The following FAM76A variants were observed in gnomAD, a reference collection of about 807,000 sequenced individuals.
FAM76A encodes protein FAM76A.
FAM76A carries 32 observed loss-of-function variants against 46.2 expected under a neutral mutation model. That is an observed-to-expected ratio of 0.69 (90% CI 0.52 to 0.93). FAM76A has a LOEUF of 0.93. Ranked by LOEUF, FAM76A falls within the 40% of genes least tolerant of loss-of-function variation. The pLI is 0.00. For missense variants in FAM76A, 274 were observed against 361.5 expected, an observed-to-expected ratio of 0.76 and a Z score of 1.96; for synonymous variants, 137 against 127.0, an observed-to-expected ratio of 1.08 and a Z score of -0.53.
chr1:27,746,954 G>A (rs1225438151), intron 5 of FAM76A, among the ~76,000 whole-genome samples: 1 of 152,114 alleles, frequency 6.6e-6, no homozygotes, highest in Non-Finnish European at 1.5e-5. Flanking sequence ...CACACCTGTA[G>A]TCCCAGCTAC....
chr1:27,726,139 C>T lies in FAM76A; in HGVS notation c.59C>T (p.Ser20Phe), dbSNP rs2087853829. The T allele has an allele frequency of 7.6e-7, 1 of 1,310,964 alleles. No homozygotes were observed. The highest frequency in any genetic ancestry group is 1.5e-5 in the African/African-American group (1 of 66,190). 81.2% of individuals were successfully genotyped at this position (1,310,964 alleles called of 1,614,324 possible). ...CHQRFPFEAL[S>F]QGQQLCKECR... ...CAGCGCTTCCCCTTCGAGGCGCTGT[C>T]TCAGGGGCAGCAGCTGTGCAAGGTG... Residue 20 changes from serine to phenylalanine, a missense_variant, in exon 1 of 9, where the codon TCT (serine) becomes TTT (phenylalanine). By Grantham distance (155) the Ser-to-Phe change is radical (BLOSUM62 -2). Transcript: ENST00000373954.
intron 7 of FAM76A, among the ~76,000 whole-genome samples, chr1:27,757,578 G>A (rs868438011): frequency 1.4e-4 from 21 of 152,186 alleles, no homozygotes; most frequent in South Asian, 2.1e-4. Context: ...CATGTTGGCC[G>A]GGCTGGTCTT....
intron 7 of FAM76A, among the ~76,000 whole-genome samples, chr1:27,755,841 C>G (rs1305003235): frequency 6.6e-6 from 1 of 152,134 alleles, no homozygotes; most frequent in African/African-American, 2.4e-5. Context: ...TCCCAAAGTG[C>G]TAGGATTACA....
At chr1:27,727,083 T>C (rs536272341) in intron 1 of FAM76A, among the ~76,000 whole-genome samples, 1 of 152,314 alleles carries the variant, frequency 6.6e-6, no homozygotes, top group East Asian at 1.9e-4. Flanking sequence ...AATATGTATA[T>C]ATGATTTTAA....
Position 27,749,084 on chromosome 1 carries a change from A to G in FAM76A, c.529A>G (p.Thr177Ala). Residue 177 changes from threonine (T) to alanine (A), a missense_variant, in exon 6 of 9, where the codon ACA (threonine) becomes GCA (alanine). Transcript: ENST00000373954. ...GHYNSQKTLS[T>A]SSIQNEIPKK... ...CATTAAAAGCCAGAAAACACTTTCTACATCTTCAATTCAAAATGAAATCCC... is the reference window on the plus strand; with the variant it reads ...CATTAAAAGCCAGAAAACACTTTCTGCATCTTCAATTCAAAATGAAATCCC... 1 of 1,602,806 alleles carries G rather than the reference A, an allele frequency of 6.2e-7. No homozygotes were observed. The highest frequency in any genetic ancestry group is 1.1e-5 in the South Asian group (1 of 88,152).
At position 27,755,467 on chromosome 1, in the gene FAM76A, G is replaced by C. The variant is rs1306984038; in HGVS notation, c.735+137G>C. 6.1e-6 allele frequency: 7 copies of C among 1,150,434 alleles called. No individual in the cohort carries two copies. In the East Asian group the frequency reaches 1.7e-4, roughly 28 times the overall value. 71.3% of individuals were successfully genotyped at this position (1,150,434 alleles called of 1,614,324 possible). On this transcript the variant is annotated intron_variant, in intron 7 of 8. Transcript: ENST00000373954. ...GTTGGGATATCCTGGGGAGAGGCTG[G>C]CTGTCTGCCAAGATGACTTTTGGGA...
intron 7 of FAM76A, 45 bp downstream of exon 7, chr1:27,755,375 G>A (rs773696235): frequency 3.1e-6 from 5 of 1,607,384 alleles, no homozygotes; most frequent in Admixed American, 1.7e-5. Flanking sequence ...ATGCGAGGGT[G>A]AGATATGTGG....
At position 27,759,779 on chromosome 1, in the gene FAM76A, G is replaced by GTTTTTTTTTTTGT. The variant is rs542481822; in HGVS notation, c.837+162_837+163insTGTTTTTTTTTTT. 4.7e-5 allele frequency: 17 copies of GTTTTTTTTTTTGT among 363,594 alleles called. 1 individual carries two copies. The highest frequency in any genetic ancestry group is 4.6e-4 in the African/African-American group (14 of 30,302). 22.5% of individuals were successfully genotyped at this position (363,594 alleles called of 1,614,324 possible). A position where few individuals can be genotyped will look rare whatever the true frequency, so the allele number is the denominator to read the frequency against. Reference sequence around the variant, plus strand: ...TCCCCCTTTTAGGTTTTTTTTTTTTGTTTTTTTTTTGAGACAGGTTCTCTG... The same window carrying GTTTTTTTTTTTGT: ...TCCCCCTTTTAGGTTTTTTTTTTTTGTTTTTTTTTTTGTTTTTTTTTTTGAGACAGGTTCTCTG... On this transcript the variant is annotated intron_variant, in intron 8 of 8. Transcript: ENST00000373954.
Position 27,759,615 on chromosome 1 carries a change from A to T in FAM76A, c.825A>T (p.Thr275=). ...TGGAGAAAACCCACAAAGAAGTCAC[A>T]GAACAACTGCAGGTGACTGACTCTG... The part of the protein sequence containing the change: ...NQMEKTHKEV[T]EQLQAKNREL... Residue 275 remains threonine, a synonymous_variant, in exon 8 of 9, where the codon ACA becomes ACT. Coordinates refer to ENST00000373954, the MANE Select transcript of FAM76A (RefSeq NM_152660.3). 6.2e-7 allele frequency: 1 copy of T among 1,612,558 alleles called. No homozygotes were observed. Among genetic ancestry groups the T allele is most frequent in the South Asian group, 1.1e-5 (1 of 90,926 alleles).
chr1:27,759,445 G>A, intron 7 of FAM76A, 81 bp from the exon 8 acceptor site: 1 of 827,598 alleles, frequency 1.2e-6, no homozygotes, highest in Admixed American at 2.6e-5. Context: ...CATTAATTTG[G>A]GTGACCATTT....
At chr1:27,758,035 T>A (rs1258244027) in intron 7 of FAM76A, among the ~76,000 whole-genome samples, 1 of 151,946 alleles carries the variant, frequency 6.6e-6, no homozygotes, top group Non-Finnish European at 1.5e-5. Context: ...AGATGAAGAA[T>A]GCCTCCAGTA....
At chr1:27,748,703 A>G (rs945277773) in intron 5 of FAM76A, among the ~76,000 whole-genome samples, 2 of 140,142 alleles carry the variant, frequency 1.4e-5, no homozygotes, top group Non-Finnish European at 3.1e-5. Context: ...GGATGGTCTC[A>G]ATCTCCTGAC....
At chr1:27,754,028 AC>A (rs2088370938) in intron 6 of FAM76A, among the ~76,000 whole-genome samples, 1 of 150,198 alleles carries the variant, frequency 6.7e-6, no homozygotes, top group South Asian at 2.1e-4. Context: ...TCTAAAAACC[AC>A]CCATTATATG....
At position 27,747,791 on chromosome 1, in the gene FAM76A, G is replaced by A. The variant is rs552902296; in HGVS notation, c.513-1277G>A. On this transcript the variant is annotated intron_variant, in intron 5 of 8. Coordinates refer to ENST00000373954, the MANE Select transcript of FAM76A (RefSeq NM_152660.3). ...ATTAACTGGGTGTGGTGGCTGGCGC[G>A]CACCTGTAGTCCCAGCTATTCGGGA... Among the ~76,000 whole-genome samples the A allele has an allele frequency of 1.2e-3, 184 of 152,048 alleles. 1 individual carries two copies. The highest frequency in any genetic ancestry group is 2.3e-3 in the Admixed American group (35 of 15,272).
chr1:27,752,106 T>C (rs1241839836), intron 6 of FAM76A, among the ~76,000 whole-genome samples: 1 of 152,214 alleles, frequency 6.6e-6, no homozygotes. Flanking sequence ...AAATTTATGC[T>C]CTTATTCTTT....
intron 4 of FAM76A, among the ~76,000 whole-genome samples, chr1:27,738,210 G>A (rs150078421): frequency 2.6e-5 from 4 of 151,988 alleles, no homozygotes; most frequent in Non-Finnish European, 4.4e-5. Context: ...AATAATAATA[G>A]GCCAGGCGTA....
intron 8 of FAM76A, 32 bp from the exon 9 acceptor site, chr1:27,760,463 A>G: frequency 1.3e-6 from 2 of 1,571,136 alleles, no homozygotes; most frequent in Non-Finnish European, 1.7e-6. Flanking sequence ...TGTTTGAAAC[A>G]TCCTTCTTGC....
intron 6 of FAM76A, among the ~76,000 whole-genome samples, chr1:27,750,718 G>T (rs2088317287): frequency 6.6e-6 from 1 of 152,104 alleles, no homozygotes; most frequent in Admixed American, 6.6e-5. Flanking sequence ...CACTATTCTT[G>T]CTGTCCATTG....
chr1:27,753,028 C>T (rs547254324), intron 6 of FAM76A, among the ~76,000 whole-genome samples: 35 of 152,208 alleles, frequency 2.3e-4, no homozygotes, highest in Middle Eastern at 3.4e-3. Flanking sequence ...GGCATGGTGG[C>T]GCACGCCTGT....
Sources: gnomAD v4.1 joint callset for allele counts (sites outside exome capture counted in the v4.1 genomes callset) on GRCh38, gnomAD v4.1.1 for gene constraint, MANE v1.5 for transcripts, NCBI Gene and HGNC (gene_info 2026-07-23, HGNC 2026-07-21) for gene names.